TMEM178B: variants seen among roughly 807,000 people sequenced by gnomAD.
TMEM178B encodes the protein transmembrane protein 178B.
In TMEM178B, 5 loss-of-function variants were observed where a neutral mutation model predicts 31.0. The observed-to-expected ratio is 0.16, with a 90% CI of 0.08 to 0.34. The LOEUF is 0.34. Among genes scored for constraint, TMEM178B ranks in the 10% least tolerant of loss-of-function variants. The pLI, the probability that TMEM178B is intolerant of heterozygous loss-of-function variation, is 1.00. For missense variants in TMEM178B, 275 were observed against 400.3 expected (o/e 0.69, Z 2.67); for synonymous variants, 164 against 164.0 (o/e 1.00, Z 0.00).
intron 2 of TMEM178B, chr7:141,414,753 T>C (rs1801066917): frequency 1.3e-5 from 2 of 152,276 alleles, no homozygotes; most frequent in African/African-American, 4.8e-5. Flanking sequence ...TATAAATGTG[T>C]ATTTATATAT....
intron 1 of TMEM178B, among the ~76,000 whole-genome samples, chr7:141,107,850 T>C (rs1563089768): frequency 6.6e-6 from 1 of 152,134 alleles, no homozygotes; most frequent in African/African-American, 2.4e-5. Flanking sequence ...AAAAGGCCCA[T>C]GGACTGAGGC....
chr7:141,309,367 A>C (rs893274039), intron 2 of TMEM178B, among the ~76,000 whole-genome samples: 2 of 152,220 alleles, frequency 1.3e-5, no homozygotes, highest in African/African-American at 4.8e-5. Flanking sequence ...TGTTGAAAAC[A>C]TAATACTCTC....
intron 2 of TMEM178B, among the ~76,000 whole-genome samples, chr7:141,286,396 G>A (rs1401491251): frequency 6.6e-6 from 1 of 152,114 alleles, no homozygotes; most frequent in Non-Finnish European, 1.5e-5. Flanking sequence ...CTAGTCTAGT[G>A]TTTTTCTAGT....
At chr7:141,265,861 C>A (rs924080302) in intron 2 of TMEM178B, among the ~76,000 whole-genome samples, 1 of 152,318 alleles carries the variant, frequency 6.6e-6, no homozygotes, top group South Asian at 2.1e-4. Flanking sequence ...CATAGAGAAC[C>A]GAGATCTTGG....
chr7:141,263,361 G>A (rs1158627751), intron 2 of TMEM178B, among the ~76,000 whole-genome samples: 1 of 152,074 alleles, frequency 6.6e-6, no homozygotes, highest in Non-Finnish European at 1.5e-5. Flanking sequence ...TGGGATACAT[G>A]GGCACAGGTG....
At chr7:141,138,085 A>G (rs1326773944) in intron 1 of TMEM178B, among the ~76,000 whole-genome samples, 3 of 149,286 alleles carry the variant, frequency 2.0e-5, no homozygotes, top group African/African-American at 7.4e-5. Flanking sequence ...TTTTTGAGAC[A>G]GAGTCTCGCT....
intron 2 of TMEM178B, among the ~76,000 whole-genome samples, chr7:141,279,916 G>A (rs776761473): frequency 3.7e-4 from 57 of 152,298 alleles, no homozygotes; most frequent in Non-Finnish European, 6.2e-4. Flanking sequence ...ATTTTCACTC[G>A]TTGACTTTGT....
rs144510252 is a variant in TMEM178B, at chr7:141,467,944, C to A, written c.635-2592C>A. On this transcript the variant is annotated intron_variant, in intron 3 of 3. Transcript: ENST00000565468. ...CTATGGGATTGTCTATTTTACTGCC[C>A]CCTTACTAGTTTTGGAGATGATCTT... is the stretch of plus-strand genomic sequence containing the variant. Among the ~76,000 whole-genome samples, 124 of 150,158 alleles carry A rather than the reference C, an allele frequency of 8.3e-4. 1 individual carries two copies. Among genetic ancestry groups the A allele is most frequent in the African/African-American group, 2.5e-3 (102 of 40,874 alleles).
intron 2 of TMEM178B, among the ~76,000 whole-genome samples, chr7:141,392,481 A>G (rs975377127): frequency 2.6e-5 from 4 of 152,172 alleles, no homozygotes; most frequent in Non-Finnish European, 5.9e-5. Flanking sequence ...CATCCACTTC[A>G]GTGTAAATTG....
At chr7:141,226,975 G>A (rs1264867071) in intron 2 of TMEM178B, among the ~76,000 whole-genome samples, 1 of 152,064 alleles carries the variant, frequency 6.6e-6, no homozygotes, top group African/African-American at 2.4e-5. Flanking sequence ...ATGGAGCTTT[G>A]CAGATCTGGT....
At chr7:141,075,001 T>C (rs1024988694) in intron 1 of TMEM178B, among the ~76,000 whole-genome samples, 8 of 152,260 alleles carry the variant, frequency 5.3e-5, no homozygotes, top group African/African-American at 1.9e-4. Context: ...GAAGGGAATC[T>C]GGAACGTTGT....
intron 2 of TMEM178B, among the ~76,000 whole-genome samples, chr7:141,332,877 A>T (rs1424818954): frequency 3.3e-5 from 5 of 152,210 alleles, no homozygotes; most frequent in Admixed American, 6.5e-5. Context: ...GGGAACTGAC[A>T]TATTTTGGTG....
chr7:141,260,106 GTTGC>G (rs2116358236), intron 2 of TMEM178B, among the ~76,000 whole-genome samples: 1 of 152,106 alleles, frequency 6.6e-6, no homozygotes, highest in South Asian at 2.1e-4. Flanking sequence ...CTGCCATTTA[GTTGC>G]TTGCTTCACC....
intron 2 of TMEM178B, among the ~76,000 whole-genome samples, chr7:141,431,721 G>A (rs1801432918): frequency 6.6e-6 from 1 of 152,148 alleles, no homozygotes; most frequent in African/African-American, 2.4e-5. Flanking sequence ...AGGCCTCAGA[G>A]TTAGGGTTTC....
rs565020424 is a variant in TMEM178B, at chr7:141,422,454, C to T, written c.497-15154C>T. On this transcript the variant is annotated intron_variant, in intron 2 of 3. Coordinates refer to ENST00000565468, the MANE Select transcript of TMEM178B (RefSeq NM_001195278.2). The surrounding 1 kb of genome is among the most constrained non-coding windows in gnomAD (Gnocchi z 4.2). ...GACTCTTCTTGTTGGTGTGATCGTA[C>T]GCTAATGGGCAAAGCTGTAGGATGG... Among the ~76,000 whole-genome samples, 30 of 152,318 alleles carry T rather than the reference C, an allele frequency of 2.0e-4. No homozygotes were observed. The highest frequency in any genetic ancestry group is 6.3e-4 in the African/African-American group (26 of 41,576).
chr7:141,491,160 T>G, the TMEM178B span, among the ~76,000 whole-genome samples: 2 of 152,146 alleles, frequency 1.3e-5, no homozygotes, highest in East Asian at 3.8e-4. Context: ...CCTGAGTAGC[T>G]GGGACTACAG....
intron 1 of TMEM178B, among the ~76,000 whole-genome samples, chr7:141,115,298 C>T (rs1350534879): frequency 1.3e-5 from 2 of 152,114 alleles, no homozygotes; most frequent in African/African-American, 2.4e-5. Flanking sequence ...AACCTGGCCT[C>T]CCAAAGTGCT....
intron 2 of TMEM178B, among the ~76,000 whole-genome samples, chr7:141,360,993 G>C (rs544673794): frequency 6.6e-6 from 1 of 152,262 alleles, no homozygotes; most frequent in South Asian, 2.1e-4. Flanking sequence ...GCCAGAAGAG[G>C]CCTCCAAGAA....
chr7:141,385,109 A>G (rs1330907340), intron 2 of TMEM178B, among the ~76,000 whole-genome samples: 1 of 152,244 alleles, frequency 6.6e-6, no homozygotes, highest in Non-Finnish European at 1.5e-5. Context: ...ACTTAAATGT[A>G]TGTGGCTTTT....
Sources: gnomAD v4.1 joint callset for allele counts (sites outside exome capture counted in the v4.1 genomes callset) on GRCh38, gnomAD v4.1.1 for gene constraint, Gnocchi (gnomAD v3.1) non-coding constraint, MANE v1.5 for transcripts, NCBI Gene and HGNC (gene_info 2026-07-23, HGNC 2026-07-21) for gene names.